The following B3GALT1 variants were observed in gnomAD, a reference collection of about 807,000 sequenced individuals.
The protein encoded by B3GALT1 is UDP-Gal:betaGlcNAc beta 1,3-galactosyltransferase, polypeptide 1.
B3GALT1 carries 10 observed loss-of-function variants against 23.2 expected under a neutral mutation model. That is an observed-to-expected ratio of 0.43 (90% CI 0.27 to 0.73). The LOEUF is 0.73. Among genes scored for constraint, B3GALT1 ranks in the 30% least tolerant of loss-of-function variants. B3GALT1 has a pLI of 0.21. For missense variants in B3GALT1, 299 were observed against 405.4 expected (o/e 0.74, Z 2.25); for synonymous variants, 156 against 141.5 (o/e 1.10, Z -0.73).
At chr2:167,573,960 A>G (rs1249004477) in intron 2 of B3GALT1, among the ~76,000 whole-genome samples, 2 of 151,646 alleles carry the variant, frequency 1.3e-5, no homozygotes. Context: ...TTATGAAAAC[A>G]GAGATATGTA....
chr2:167,775,465 A>T (rs1046320125), intron 3 of B3GALT1, among the ~76,000 whole-genome samples: 8 of 151,630 alleles, frequency 5.3e-5, no homozygotes, highest in African/African-American at 1.9e-4. Flanking sequence ...GCTATTCGGG[A>T]GGCTGAGGCA....
At chr2:167,865,030 T>C (rs1462245592) in intron 4 of B3GALT1, among the ~76,000 whole-genome samples, 1 of 152,076 alleles carries the variant, frequency 6.6e-6, no homozygotes, top group African/African-American at 2.4e-5. Context: ...ATATTTCTCC[T>C]TTTTTAGCTC....
intron 1 of B3GALT1, among the ~76,000 whole-genome samples, chr2:167,480,216 T>C (rs866478367): frequency 6.6e-6 from 1 of 152,146 alleles, no homozygotes. Flanking sequence ...CACCTAATCT[T>C]GTAGCCTTCC....
chr2:167,839,225 A>G (rs1400797221), intron 4 of B3GALT1, among the ~76,000 whole-genome samples: 1 of 152,170 alleles, frequency 6.6e-6, no homozygotes, highest in Non-Finnish European at 1.5e-5. Context: ...TTAGGAAAAG[A>G]GGAAGTCAAA....
At position 167,818,792 on chromosome 2, in the gene B3GALT1, A is replaced by G. The variant is rs953120845; in HGVS notation, c.-231A>G. ...GAAAACACAGCACGCTGGAGCCAAC[A>G]GGTAGGCGAGAAACCAGGTAGGCGA... is the stretch of plus-strand genomic sequence containing the variant. On this transcript the variant is annotated splice_region_variant and 5_prime_UTR_variant, in exon 4 of 5. Transcript: ENST00000392690. Among the ~76,000 whole-genome samples, 1 of 152,110 alleles carries G rather than the reference A, an allele frequency of 6.6e-6. No homozygotes were observed. Among genetic ancestry groups the G allele is most frequent in the Non-Finnish European group, 1.5e-5 (1 of 68,014 alleles).
intron 4 of B3GALT1, among the ~76,000 whole-genome samples, chr2:167,854,287 G>T (rs538245545): frequency 6.6e-6 from 1 of 152,246 alleles, no homozygotes; most frequent in South Asian, 2.1e-4. Context: ...ATTCAACCAG[G>T]CTAAGGAGAA....
At chr2:167,731,395 G>T (rs1346219007) in intron 3 of B3GALT1, among the ~76,000 whole-genome samples, 2 of 152,106 alleles carry the variant, frequency 1.3e-5, no homozygotes, top group Non-Finnish European at 2.9e-5. Flanking sequence ...AGTTTTAAAA[G>T]GTTTCATATT....
At position 167,814,541 on chromosome 2, in the gene B3GALT1, C is replaced by T. The variant is rs534749584; in HGVS notation, c.-351-4131C>T. Among the ~76,000 whole-genome samples, 18 of 152,186 alleles carry T rather than the reference C, an allele frequency of 1.2e-4. No individual in the cohort carries two copies. In the East Asian group the frequency reaches 3.5e-3, roughly 29 times the overall value. ...CTTTCGGAGGCTGAGGCAGGCGGATCAGGAGGTCAGGAGATCGAGAACATC... is the reference window on the plus strand; with the variant it reads ...CTTTCGGAGGCTGAGGCAGGCGGATTAGGAGGTCAGGAGATCGAGAACATC... On this transcript the variant is annotated intron_variant, in intron 3 of 4. Transcript: ENST00000392690.
At chr2:167,383,708 A>G (rs1037562264) in intron 1 of B3GALT1, among the ~76,000 whole-genome samples, 3 of 152,176 alleles carry the variant, frequency 2.0e-5, no homozygotes, top group African/African-American at 7.2e-5. Flanking sequence ...ATGAGTATCT[A>G]GATACTTAGT....
intron 3 of B3GALT1, among the ~76,000 whole-genome samples, chr2:167,802,305 A>AC (rs1688654116): frequency 1.3e-5 from 2 of 152,226 alleles, no homozygotes; most frequent in South Asian, 4.1e-4. Context: ...CAGCATCTGA[A>AC]CTTAAGCCTT....
chr2:167,757,748 C>T (rs1687840704), intron 3 of B3GALT1, among the ~76,000 whole-genome samples: 1 of 152,008 alleles, frequency 6.6e-6, no homozygotes, highest in Non-Finnish European at 1.5e-5. Flanking sequence ...TTCCTATTTG[C>T]CTTGTAACTG....
At chr2:167,864,709 C>T (rs1409508726) in intron 4 of B3GALT1, among the ~76,000 whole-genome samples, 1 of 152,216 alleles carries the variant, frequency 6.6e-6, no homozygotes, top group Non-Finnish European at 1.5e-5. Context: ...TATGTAGTCA[C>T]TCACTAGCTG....
chr2:167,307,241 A>G (rs767099362), intron 1 of B3GALT1, among the ~76,000 whole-genome samples: 2 of 152,032 alleles, frequency 1.3e-5, no homozygotes, highest in African/African-American at 2.4e-5. Context: ...TGTGAAGTAT[A>G]TATGTTTCTT....
intron 3 of B3GALT1, among the ~76,000 whole-genome samples, chr2:167,763,533 T>C (rs1687926775): frequency 6.6e-6 from 1 of 151,614 alleles, no homozygotes; most frequent in Non-Finnish European, 1.5e-5. Context: ...TTTTAAGATC[T>C]CTAGTAAACG....
At chr2:167,843,232 A>C (rs184747032) in intron 4 of B3GALT1, among the ~76,000 whole-genome samples, 2 of 152,350 alleles carry the variant, frequency 1.3e-5, no homozygotes, top group African/African-American at 4.8e-5. Context: ...ATGTATTTTT[A>C]GTCTAATTTG....
In B3GALT1 at chr2:167,602,812, T is replaced by TA. The variant is rs900303682; in HGVS notation, c.-409-44087dup. Among the ~76,000 whole-genome samples, 71 of 150,706 alleles carry TA rather than the reference T, an allele frequency of 4.7e-4. 1 individual carries two copies. Among genetic ancestry groups the TA allele is most frequent in the African/African-American group, 1.1e-3 (45 of 41,168 alleles). On this transcript the variant is annotated intron_variant, in intron 2 of 4. Coordinates refer to ENST00000392690, the MANE Select transcript of B3GALT1 (RefSeq NM_020981.4). The stretch of plus-strand genomic sequence containing the variant: ...TATTGCCTTCACAAAATCTTGAGTT[T>TA]AAAAAAAAAATCAATCTATTTTTAG...
At chr2:167,549,012 G>A (rs1251593898) in intron 2 of B3GALT1, among the ~76,000 whole-genome samples, 1 of 151,934 alleles carries the variant, frequency 6.6e-6, no homozygotes, top group African/African-American at 2.4e-5. Context: ...GTTTATTGAT[G>A]CCTGAATATG....
intron 1 of B3GALT1, among the ~76,000 whole-genome samples, chr2:167,295,234 T>A (rs958172255): frequency 2.0e-5 from 3 of 152,174 alleles, no homozygotes; most frequent in Middle Eastern, 3.2e-3. Context: ...TAGTAAAAAA[T>A]TGGTGCTAAG....
At chr2:167,453,472 C>T (rs1699119793) in intron 1 of B3GALT1, among the ~76,000 whole-genome samples, 1 of 152,096 alleles carries the variant, frequency 6.6e-6, no homozygotes, top group African/African-American at 2.4e-5. Flanking sequence ...ATATATTCTA[C>T]TAATTATCAC....
Sources: allele counts gnomAD v4.1 joint callset (sites outside exome capture counted in the v4.1 genomes callset), GRCh38; gene constraint gnomAD v4.1.1; transcripts MANE v1.5; gene names NCBI Gene and HGNC (gene_info 2026-07-23, HGNC 2026-07-21).